TIMM44: variants seen among roughly 807,000 people sequenced by gnomAD.
The protein encoded by TIMM44 is mitochondrial import inner membrane translocase subunit TIM44.
TIMM44 carries 37 observed loss-of-function variants against 63.8 expected under a neutral mutation model. That is an observed-to-expected ratio of 0.58 (90% CI 0.45 to 0.76). TIMM44 has a LOEUF of 0.76. Ranked by LOEUF, TIMM44 falls within the 30% of genes least tolerant of loss-of-function variation. TIMM44 has a pLI of 0.00. For synonymous variants in TIMM44, 239 were observed against 245.1 expected (o/e 0.98, Z 0.23); for missense variants, 573 against 603.8 (o/e 0.95, Z 0.54).
At position 7,930,799 on chromosome 19, in the gene TIMM44, T is replaced by TG. The variant is rs1478590185; in HGVS notation, c.1038+338dup. On this transcript the variant is annotated intron_variant, in intron 10 of 12. Coordinates refer to ENST00000270538, the MANE Select transcript of TIMM44 (RefSeq NM_006351.4). The stretch of plus-strand genomic sequence containing the variant: ...AAAGGCCCAGTAAAATTGGCAGCTT[T>TG]GTGATCTCTCACAGGCCCAGGGGAC... Among the ~76,000 whole-genome samples, 5 of 152,316 alleles carry TG rather than the reference T, an allele frequency of 3.3e-5. No individual in the cohort carries two copies. In the East Asian group the frequency reaches 9.7e-4, roughly 29 times the overall value.
At chr19:7,928,810 A>C (rs1460295207) in intron 10 of TIMM44, 1 of 151,498 alleles carries the variant, frequency 6.6e-6, no homozygotes, top group African/African-American at 2.4e-5. Flanking sequence ...TTTTAAAAAC[A>C]CTTCTGTGGA....
chr19:7,939,030 G>A (rs546594579), intron 2 of TIMM44, among the ~76,000 whole-genome samples: 1 of 6,200 alleles, frequency 1.6e-4, no homozygotes, highest in East Asian at 3.8e-3. Flanking sequence ...AAGAGGGTGA[G>A]ATGAGTAGGG....
chr19:7,941,575 C>G (rs911559536), intron 1 of TIMM44, among the ~76,000 whole-genome samples: 6 of 151,966 alleles, frequency 3.9e-5, no homozygotes, highest in Admixed American at 1.3e-4. Context: ...CAGGCATGAG[C>G]CACTGCACCT....
rs139333938 is a variant in TIMM44 at position 7,931,186 on chromosome 19, G to A, written c.990C>T (p.Ala330=). The A allele has an allele frequency of 4.4e-4, 715 of 1,613,942 alleles. 6 individuals are homozygous for A. In the African/African-American group the frequency reaches 8.5e-3, roughly 19 times the overall value. The stretch of plus-strand genomic sequence containing the variant: ...GAATGTCAAGCTCTCCAGAAATCAT[G>A]GCCTAAAAAGGAAGGGAAAATAAGC... The part of the protein sequence containing the change: ...ENDIIPNVLE[A]MISGELDILK... The change falls in exon 10 of 13, where the codon GCC becomes GCT. Residue 330 remains alanine (A), a splice_region_variant and synonymous_variant. Transcript: ENST00000270538.
At chr19:7,928,308 G>A in intron 10 of TIMM44, 142 bp from the exon 11 acceptor site, 3 of 672,724 alleles carry the variant, frequency 4.5e-6, no homozygotes, top group Admixed American at 4.9e-5. Context: ...AGGTCCAAGT[G>A]GGGAGGCAGG....
chr19:7,928,192 C>T (rs1316665806), intron 10 of TIMM44, 26 bp from the exon 11 acceptor site: 12 of 1,597,868 alleles, frequency 7.5e-6, no homozygotes, highest in African/African-American at 4.0e-5. Context: ...GACACGCCTG[C>T]GTGATGCCAC....
At position 7,927,212 on chromosome 19, in the gene TIMM44, G is replaced by A. The variant is rs1022598180; in HGVS notation, c.1334C>T (p.Ala445Val). The part of the protein sequence containing the change: ...YAAWRLLDIS[A>V]SSTEQIL ...TCAGAGAATCTGCTCGGTGCTGGAG[G>A]CCGAGATGTCCAGGAGCCGCCAGGC... Residue 445 changes from alanine to valine, a missense_variant, in exon 13 of 13, where the codon GCC becomes GTC. By Grantham distance (64) the Ala-to-Val change is moderately conservative (BLOSUM62 0). Transcript: ENST00000270538. 5.6e-6 allele frequency: 9 copies of A among 1,610,900 alleles called. No homozygotes were observed. Among genetic ancestry groups the A allele is most frequent in the African/African-American group, 1.3e-5 (1 of 74,926 alleles).
Position 7,933,213 on chromosome 19 carries a change from C to T in TIMM44, c.769+272G>A, listed in dbSNP as rs978987758. On this transcript the variant is annotated intron_variant, in intron 7 of 12. Coordinates refer to ENST00000270538, the MANE Select transcript of TIMM44 (RefSeq NM_006351.4). This position sits in a 1 kb window ranked among gnomAD's most constrained non-coding sequence, Gnocchi z 4.3. ...GCTGTTGCTTTCACTACAAAGGAAACACAGGCCTCTAGCAGTCCTCACAGG... is the reference window on the plus strand; with the variant it reads ...GCTGTTGCTTTCACTACAAAGGAAATACAGGCCTCTAGCAGTCCTCACAGG... Among the ~76,000 whole-genome samples, 2 of 152,194 alleles carry T rather than the reference C, an allele frequency of 1.3e-5. No individual in the cohort carries two copies. The highest frequency in any genetic ancestry group is 2.9e-5 in the Non-Finnish European group (2 of 68,024).
chr19:7,941,294 A>C (rs965350612), intron 1 of TIMM44, 97 bp from the exon 2 acceptor site: 41 of 847,544 alleles, frequency 4.8e-5, no homozygotes, highest in Middle Eastern at 2.7e-4. Context: ...CCTGCAACTC[A>C]CTGGCCATTT....
chr19:7,938,517 A>T (rs1984218425), intron 2 of TIMM44, among the ~76,000 whole-genome samples: 1 of 152,054 alleles, frequency 6.6e-6, no homozygotes, highest in Admixed American at 6.6e-5. Flanking sequence ...CACCCTATTT[A>T]AAAAACAGGC....
At chr19:7,932,130 T>C (rs754572818) in intron 9 of TIMM44, 15 of 175,110 alleles carry the variant, frequency 8.6e-5, no homozygotes, top group Non-Finnish European at 1.6e-4. Flanking sequence ...GGGAGAGGCT[T>C]ATAGGGGGCA....
rs745913990 is a variant in TIMM44 at position 7,933,434 on chromosome 19, C to T, written c.769+51G>A. 7.3e-5 allele frequency: 113 copies of T among 1,545,682 alleles called. No individual in the cohort carries two copies. The highest frequency in any genetic ancestry group is 1.0e-4 in the Non-Finnish European group (112 of 1,117,714). Reference sequence around the variant, plus strand: ...AATGCAGGGGGATCACCTTGCGGTCCACCAACTGCCCGGGACACAGTCACC... The same window carrying T: ...AATGCAGGGGGATCACCTTGCGGTCTACCAACTGCCCGGGACACAGTCACC... On this transcript the variant is annotated intron_variant, in intron 7 of 12. Coordinates refer to ENST00000270538, the MANE Select transcript of TIMM44 (RefSeq NM_006351.4). This position sits in a 1 kb window ranked among gnomAD's most constrained non-coding sequence, Gnocchi z 4.3.
chr19:7,940,386 C>T (rs1021852702), intron 2 of TIMM44, among the ~76,000 whole-genome samples: 2 of 152,142 alleles, frequency 1.3e-5, no homozygotes, highest in Non-Finnish European at 2.9e-5. Flanking sequence ...ACAACCTTAT[C>T]GCAGCCCTAC....
chr19:7,934,330 G>A lies in TIMM44; in HGVS notation c.394-92C>T, dbSNP rs1984079054. 6.5e-7 allele frequency: 1 copy of A among 1,549,238 alleles called. No homozygotes were observed. Among genetic ancestry groups the A allele is most frequent in the Non-Finnish European group, 8.8e-7 (1 of 1,135,796 alleles). On this transcript the variant is annotated intron_variant, in intron 4 of 12. Coordinates refer to ENST00000270538, the MANE Select transcript of TIMM44 (RefSeq NM_006351.4). The surrounding 1 kb of genome is among the most constrained non-coding windows in gnomAD (Gnocchi z 5.3). ...GAATGAATTCCTGCCGGAGAGAAGG[G>A]CGGATCTGGTTCCCCGAGGCCGGCA... is the stretch of plus-strand genomic sequence containing the variant.
rs779633085 is a variant in TIMM44 at position 7,933,968 on chromosome 19, G to A, written c.579C>T (p.Ser193=). ...GGTAGGGCCCGGTCTGTCCCAGGAC[G>A]CTGTCGTCAATTTCCTTCTTCACGG... ...VESVKKEIDD[S]VLGQTGPYRR... is the part of the protein sequence containing the mutation. The change falls in exon 6 of 13, where the codon AGC becomes AGT. Residue 193 remains serine, a synonymous_variant. Coordinates refer to ENST00000270538, the MANE Select transcript of TIMM44 (RefSeq NM_006351.4). The surrounding 1 kb of genome is among the most constrained non-coding windows in gnomAD (Gnocchi z 4.3). 22 of 1,613,976 alleles carry A rather than the reference G, an allele frequency of 1.4e-5. No individual in the cohort carries two copies. The highest frequency in any genetic ancestry group is 8.9e-5 in the East Asian group (4 of 44,872).
chr19:7,928,432 C>T (rs1009326242), intron 10 of TIMM44: 1 of 505,242 alleles, frequency 2.0e-6, no homozygotes, highest in Admixed American at 3.5e-5. Flanking sequence ...TCTCTTGGAA[C>T]AAAATCCCAA....
chr19:7,933,706 C>A lies in TIMM44; in HGVS notation c.684-136G>T. The stretch of plus-strand genomic sequence containing the variant: ...ACCTAGGGGCTCTGAGGACCCCGCC[C>A]TCACCTCTCACCCTCAAATTCGAGG... On this transcript the variant is annotated intron_variant, in intron 6 of 12. Coordinates refer to ENST00000270538, the MANE Select transcript of TIMM44 (RefSeq NM_006351.4). The surrounding 1 kb of genome is among the most constrained non-coding windows in gnomAD (Gnocchi z 4.3). 7 of 1,335,298 alleles carry A rather than the reference C, an allele frequency of 5.2e-6. No individual in the cohort carries two copies. Among genetic ancestry groups the A allele is most frequent in the Non-Finnish European group, 7.5e-6 (7 of 936,684 alleles). The allele number at this position is 1,335,298 out of a possible 1,614,324, so 82.7% of individuals were successfully genotyped here.
intron 9 of TIMM44, chr19:7,932,389 G>A: frequency 1.7e-6 from 1 of 580,746 alleles, no homozygotes; most frequent in Non-Finnish European, 3.1e-6. Context: ...CCTCAGGCAG[G>A]AGGAGTGAGG....
rs536928414 is a variant in TIMM44, at chr19:7,927,009, G to A, written c.*178C>T. Reference sequence around the variant, plus strand: ...CTGCGGGGGAGTGTCTCCAGCTGCCGCGCACCCGCAACAGCCCGTTGTCCC... The same window carrying A: ...CTGCGGGGGAGTGTCTCCAGCTGCCACGCACCCGCAACAGCCCGTTGTCCC... On this transcript the variant is annotated 3_prime_UTR_variant, in exon 13 of 13. Transcript: ENST00000270538. 1 of 870,992 alleles carries A rather than the reference G, an allele frequency of 1.1e-6. No individual in the cohort carries two copies. Among genetic ancestry groups the A allele is most frequent in the Non-Finnish European group, 1.8e-6 (1 of 565,506 alleles). The allele number at this position is 870,992 out of a possible 1,614,324, so 54.0% of individuals were successfully genotyped here. A position where few individuals can be genotyped will look rare whatever the true frequency, so the allele number is the denominator to read the frequency against.
Sources: allele counts gnomAD v4.1 joint callset (sites outside exome capture counted in the v4.1 genomes callset), GRCh38; gene constraint gnomAD v4.1.1; non-coding constraint Gnocchi (gnomAD v3.1); transcripts MANE v1.5; gene names NCBI Gene and HGNC (gene_info 2026-07-23, HGNC 2026-07-21).